The following PCDHGA1 variants were observed in gnomAD, a reference collection of about 807,000 sequenced individuals.
The protein encoded by PCDHGA1 is protocadherin gamma-A1.
In PCDHGA1, 32 loss-of-function variants were observed where a neutral mutation model predicts 58.0. That is an observed-to-expected ratio of 0.55 (90% CI 0.42 to 0.74). The LOEUF is 0.74. Ranked by LOEUF, PCDHGA1 falls within the 30% of genes least tolerant of loss-of-function variation. PCDHGA1 has a pLI of 0.00. For missense variants in PCDHGA1, 1,205 were observed against 1,182.3 expected (o/e 1.02, Z -0.28); for synonymous variants, 498 against 501.1 (o/e 0.99, Z 0.08).
At chr5:141,427,584 A>G in intron 1 of PCDHGA1, 1 of 674,672 alleles carries the variant, frequency 1.5e-6, no homozygotes, top group Non-Finnish European at 2.7e-6. Context: ...CTCATCCAGC[A>G]CAAGCCTCAC....
rs915257485 is a variant in PCDHGA1, at chr5:141,476,018, A to T, written c.2422-18789A>T. ...AACGGCATCCAGAAAGCCATGTCGG[A>T]CTCGGCGCCCAGCGCCCAAGCGCTA... On this transcript the variant is annotated intron_variant, in intron 1 of 3. Transcript: ENST00000517417. This position sits in a 1 kb window ranked among gnomAD's most constrained non-coding sequence, Gnocchi z 7.6. The T allele has an allele frequency of 5.8e-6, 8 of 1,371,412 alleles. No homozygotes were observed. Among genetic ancestry groups the T allele is most frequent in the Non-Finnish European group, 7.9e-6 (8 of 1,016,908 alleles). The allele number at this position is 1,371,412 out of a possible 1,614,324, so 85.0% of individuals were successfully genotyped here.
intron 1 of PCDHGA1, chr5:141,372,164 G>C: frequency 6.2e-7 from 1 of 1,613,780 alleles, no homozygotes; most frequent in Non-Finnish European, 8.5e-7. Context: ...TGGTGACCAA[G>C]GTGGTGGCGG....
At chr5:141,451,607 C>T (rs2154563647) in intron 1 of PCDHGA1, among the ~76,000 whole-genome samples, 1 of 152,288 alleles carries the variant, frequency 6.6e-6, no homozygotes, top group Non-Finnish European at 1.5e-5. Context: ...CAAGGCTAGG[C>T]ATGGTGGCTC....
intron 1 of PCDHGA1, chr5:141,392,786 T>C: frequency 5.2e-6 from 8 of 1,550,412 alleles, no homozygotes; most frequent in Non-Finnish European, 7.0e-6. Flanking sequence ...CAGTGAAGAT[T>C]CTGAGAGGAT....
intron 1 of PCDHGA1, chr5:141,372,781 T>C: frequency 6.2e-7 from 1 of 1,608,572 alleles, no homozygotes; most frequent in Non-Finnish European, 8.5e-7. Context: ...AATCCAGAAA[T>C]GCCTTCTAAT....
At chr5:141,388,034 C>T in intron 1 of PCDHGA1, 2 of 1,423,576 alleles carry the variant, frequency 1.4e-6, no homozygotes, top group Non-Finnish European at 1.9e-6. Flanking sequence ...TGGGGAACCT[C>T]GCCACGGACC....
At chr5:141,356,362 G>C in intron 1 of PCDHGA1, 1 of 1,558,240 alleles carries the variant, frequency 6.4e-7, no homozygotes, top group Non-Finnish European at 8.7e-7. Flanking sequence ...TTCTATTCCA[G>C]ATAATCTGCC....
rs771759945 is a variant in PCDHGA1, at chr5:141,405,371, G to A, written c.2421+72266G>A. 49 of 1,598,874 alleles carry A rather than the reference G, an allele frequency of 3.1e-5. No individual in the cohort carries two copies. The highest frequency in any genetic ancestry group is 3.7e-5 in the Non-Finnish European group (43 of 1,176,096). ...GTTTCCTATAGAAGACACCCCTTTG[G>A]TTCCGGTGAGTTCATTTTTTTTCTT... On this transcript the variant is annotated intron_variant, in intron 1 of 3. Transcript: ENST00000517417.
intron 1 of PCDHGA1, chr5:141,389,814 G>A (rs753211260): frequency 1.2e-6 from 2 of 1,613,866 alleles, no homozygotes; most frequent in East Asian, 2.2e-5. Context: ...TCTGGTCGCC[G>A]TGCGTGACGG....
chr5:141,384,300 A>G, intron 1 of PCDHGA1: 1 of 1,613,776 alleles, frequency 6.2e-7, no homozygotes, highest in South Asian at 1.1e-5. Context: ...ACAACCCCAG[A>G]GGGGCCTCCA....
At chr5:141,421,222 C>T in intron 1 of PCDHGA1, 1 of 1,576,946 alleles carries the variant, frequency 6.3e-7, no homozygotes, top group Non-Finnish European at 8.6e-7. Flanking sequence ...CGGCTTAGAG[C>T]CTGCCATGGC....
intron 1 of PCDHGA1, chr5:141,413,071 G>A (rs1589838233): frequency 1.7e-6 from 2 of 1,211,262 alleles, no homozygotes; most frequent in Admixed American, 2.8e-5. Flanking sequence ...AATTTAAAGT[G>A]CCCAGGCTAC....
intron 1 of PCDHGA1, chr5:141,413,290 A>T: frequency 6.2e-7 from 1 of 1,613,924 alleles, no homozygotes; most frequent in Non-Finnish European, 8.5e-7. Context: ...CTCCTACTCA[A>T]TTCCTGAGGA....
At chr5:141,340,457 G>A in intron 1 of PCDHGA1, 1 of 1,614,196 alleles carries the variant, frequency 6.2e-7, no homozygotes, top group Non-Finnish European at 8.5e-7. Context: ...GGAGGACACT[G>A]TTCAGGGGGC....
chr5:141,471,046 C>CTT (rs1170588345), intron 1 of PCDHGA1, among the ~76,000 whole-genome samples: 26 of 113,248 alleles, frequency 2.3e-4, no homozygotes, highest in Non-Finnish European at 3.0e-4. Context: ...CCCAAGCCCT[C>CTT]TTTTTTTTTT....
chr5:141,488,548 T>C (rs112676623), intron 1 of PCDHGA1, among the ~76,000 whole-genome samples: 2 of 152,318 alleles, frequency 1.3e-5, no homozygotes, highest in African/African-American at 4.8e-5. Flanking sequence ...CCATGTCAGC[T>C]GACATTGAGA....
intron 1 of PCDHGA1, chr5:141,375,652 G>A (rs1200856953): frequency 1.8e-5 from 29 of 1,614,096 alleles, no homozygotes; most frequent in Non-Finnish European, 2.3e-5. Context: ...TCGACTATGA[G>A]CAGTTGAGAG....
Position 141,430,867 on chromosome 5 carries a change from G to T in PCDHGA1, c.2422-63940G>T, listed in dbSNP as rs1157718106. ...GCACCCAGATACGCTATTCAGTTCC[G>T]GAAGAGCTGGAGAAAGGCTCTAGGG... On this transcript the variant is annotated intron_variant, in intron 1 of 3. Coordinates refer to ENST00000517417, the MANE Select transcript of PCDHGA1 (RefSeq NM_018912.3). 2.5e-6 allele frequency: 4 copies of T among 1,596,238 alleles called. No individual in the cohort carries two copies. In the East Asian group the frequency reaches 8.9e-5, roughly 36 times the overall value.
chr5:141,354,091 C>T (rs1759467411), intron 1 of PCDHGA1, among the ~76,000 whole-genome samples: 1 of 152,152 alleles, frequency 6.6e-6, no homozygotes, highest in East Asian at 1.9e-4. Flanking sequence ...CTTTTACTGG[C>T]TATTTCTAAA....
Sources: gnomAD v4.1 joint callset for allele counts (sites outside exome capture counted in the v4.1 genomes callset) on GRCh38, gnomAD v4.1.1 for gene constraint, Gnocchi (gnomAD v3.1) non-coding constraint, MANE v1.5 for transcripts, NCBI Gene and HGNC (gene_info 2026-07-23, HGNC 2026-07-21) for gene names.